Variants in ITSN1 observed in about 807,000 individuals in gnomAD.
The protein encoded by ITSN1 is intersectin 1, also known as intersectin-1.
A neutral mutation model predicts 239.8 loss-of-function variants in ITSN1; 58 were observed. The ratio of observed to expected loss-of-function variants is 0.24; its 90% CI spans 0.20 to 0.30. The LOEUF is 0.30. ITSN1 is among the 10% of genes least tolerant of loss of function. The probability of loss-of-function intolerance (pLI) is 1.00; values close to 1 mark genes in which losing one functional copy is unlikely to be tolerated. For missense variants in ITSN1, 1,558 were observed against 2,103.3 expected (o/e 0.74, Z 5.07); for synonymous variants, 780 against 770.8 (o/e 1.01, Z -0.20).
intron 20 of ITSN1, among the ~76,000 whole-genome samples, chr21:33,808,071 C>T (rs1044289337): frequency 2.6e-5 from 4 of 151,974 alleles, no homozygotes; most frequent in African/African-American, 9.7e-5. Context: ...CCTGTAGTCC[C>T]AGCTACTCGG....
intron 12 of ITSN1, 62 bp downstream of exon 12, chr21:33,772,385 C>G (rs1475808590): frequency 2.6e-6 from 4 of 1,523,388 alleles, no homozygotes; most frequent in Non-Finnish European, 3.5e-6. Context: ...TCAGAATTAT[C>G]CAAGTGATCT....
intron 7 of ITSN1, among the ~76,000 whole-genome samples, chr21:33,753,218 G>A (rs942632028): frequency 1.3e-5 from 2 of 152,102 alleles, no homozygotes; most frequent in African/African-American, 4.8e-5. Context: ...TAGGATACAG[G>A]TATTTATTTG....
intron 34 of ITSN1, among the ~76,000 whole-genome samples, chr21:33,880,735 G>C (rs1306344425): frequency 2.0e-5 from 3 of 152,162 alleles, no homozygotes; most frequent in Non-Finnish European, 4.4e-5. Flanking sequence ...AGGGCTCGTA[G>C]CTCAGGACAG....
At chr21:33,710,654 G>A (rs2092388187) in intron 1 of ITSN1, among the ~76,000 whole-genome samples, 1 of 151,152 alleles carries the variant, frequency 6.6e-6, no homozygotes, top group South Asian at 2.1e-4. Context: ...GTGAGGTTTT[G>A]GTATTATAGT....
At chr21:33,794,597 A>C in intron 17 of ITSN1, 129 bp downstream of exon 17, 1 of 1,245,542 alleles carries the variant, frequency 8.0e-7, no homozygotes, top group East Asian at 2.4e-5. Context: ...GTGAAGTGTG[A>C]GTGCAAACAC....
At chr21:33,820,248 T>C (rs1047099608) in intron 24 of ITSN1, among the ~76,000 whole-genome samples, 1 of 152,238 alleles carries the variant, frequency 6.6e-6, no homozygotes, top group African/African-American at 2.4e-5. Context: ...TGAATAAAAC[T>C]TAGGTAATTC....
intron 5 of ITSN1, among the ~76,000 whole-genome samples, chr21:33,743,839 A>G (rs765340838): frequency 7.2e-5 from 11 of 152,244 alleles, no homozygotes; most frequent in Non-Finnish European, 1.6e-4. Context: ...AAATGGAGTA[A>G]CATATTTAGA....
In ITSN1 at chr21:33,893,971, T is replaced by C. The variant is rs1249200814; in HGVS notation, c.*5671T>C. The C allele has an allele frequency of 6.6e-6, 1 of 152,150 alleles. No homozygotes were observed. Among genetic ancestry groups the C allele is most frequent in the Non-Finnish European group, 1.5e-5 (1 of 68,034 alleles). The allele number at this position is 152,150 out of a possible 1,614,324, so 9.4% of individuals were successfully genotyped here. A position where few individuals can be genotyped will look rare whatever the true frequency, so the allele number is the denominator to read the frequency against. The stretch of plus-strand genomic sequence containing the variant: ...CCAGACACCAAGACACACTAGACAG[T>C]CCATCTCTGGGTTGTGATCTCTCAG... On this transcript the variant is annotated 3_prime_UTR_variant, in exon 40 of 40. Coordinates refer to ENST00000381318, the MANE Select transcript of ITSN1 (RefSeq NM_003024.3).
rs1452225351 is a variant in ITSN1, at chr21:33,897,532, T to C, written c.*9232T>C. On this transcript the variant is annotated 3_prime_UTR_variant, in exon 40 of 40. Coordinates refer to ENST00000381318, the MANE Select transcript of ITSN1 (RefSeq NM_003024.3). ...AAGAAAAAGGCGAACTCCCACTATA[T>C]AAAGGGAAAAGGTTGTATTCATTTC... The C allele has an allele frequency of 6.6e-6, 1 of 152,222 alleles. No homozygotes were observed. Among genetic ancestry groups the C allele is most frequent in the Non-Finnish European group, 1.5e-5 (1 of 68,034 alleles). The allele number at this position is 152,222 out of a possible 1,614,324, so 9.4% of individuals were successfully genotyped here.
chr21:33,665,209 G>A (rs889110001), intron 1 of ITSN1, among the ~76,000 whole-genome samples: 1 of 152,120 alleles, frequency 6.6e-6, no homozygotes, highest in African/African-American at 2.4e-5. Flanking sequence ...GTTGCAGTGA[G>A]CCAAGGCCGC....
chr21:33,767,888 A>G lies in ITSN1; in HGVS notation c.1042+60A>G, dbSNP rs1006596967. 2.8e-5 allele frequency: 27 copies of G among 954,564 alleles called. No homozygotes were observed. The East Asian group carries it at 3.3e-4, about 12-fold the overall frequency. 59.1% of individuals were successfully genotyped at this position (954,564 alleles called of 1,614,324 possible). A position where few individuals can be genotyped will look rare whatever the true frequency, so the allele number is the denominator to read the frequency against. The stretch of plus-strand genomic sequence containing the variant: ...GATTAAACGAAATTAGAGATTTCCT[A>G]TCTCTAAGACAAAGATAGAGGTAAA... On this transcript the variant is annotated intron_variant, in intron 11 of 39. Coordinates refer to ENST00000381318, the MANE Select transcript of ITSN1 (RefSeq NM_003024.3).
chr21:33,899,401 A>C lies in ITSN1; in HGVS notation c.*11101A>C, dbSNP rs369672658. 19 of 152,282 alleles carry C rather than the reference A, an allele frequency of 1.2e-4. No homozygotes were observed. In the South Asian group the frequency reaches 3.9e-3, roughly 32 times the overall value. 9.4% of individuals were successfully genotyped at this position (152,282 alleles called of 1,614,324 possible). On this transcript the variant is annotated 3_prime_UTR_variant, in exon 40 of 40. Coordinates refer to ENST00000381318, the MANE Select transcript of ITSN1 (RefSeq NM_003024.3). ...CCGCCCCTTGATGGATGTGCTGTTGATTGTAATATACTTCTGTTGCCAAAT... is the reference window on the plus strand; with the variant it reads ...CCGCCCCTTGATGGATGTGCTGTTGCTTGTAATATACTTCTGTTGCCAAAT...
chr21:33,751,558 A>G (rs537915374), intron 6 of ITSN1, among the ~76,000 whole-genome samples: 1 of 152,342 alleles, frequency 6.6e-6, no homozygotes, highest in Non-Finnish European at 1.5e-5. Context: ...AAAATGTTTA[A>G]TGAAGAGTAA....
At chr21:33,757,469 C>T (rs1389585074) in intron 8 of ITSN1, among the ~76,000 whole-genome samples, 1 of 152,026 alleles carries the variant, frequency 6.6e-6, no homozygotes, top group Non-Finnish European at 1.5e-5. Flanking sequence ...ACTTTTGAGC[C>T]AGACCTTTGT....
At chr21:33,829,540 A>G in intron 26 of ITSN1, 84 bp from the exon 27 acceptor site, 2 of 1,456,380 alleles carry the variant, frequency 1.4e-6, no homozygotes, top group Non-Finnish European at 1.9e-6. Context: ...TTCATCTGTG[A>G]ACCTGGGAGG....
intron 36 of ITSN1, among the ~76,000 whole-genome samples, chr21:33,884,818 G>A (rs140498575): frequency 6.9e-4 from 105 of 152,272 alleles, no homozygotes; most frequent in African/African-American, 2.2e-3. Flanking sequence ...GGACATCATC[G>A]CAGGTCTTGA....
chr21:33,711,652 TTGTGTG>T (rs58696981), intron 1 of ITSN1, among the ~76,000 whole-genome samples: 2,303 of 134,710 alleles, frequency 0.017, 40 homozygotes, highest in African/African-American at 0.044. Context: ...TTTCTGTGTG[TTGTGTG>T]TGTGTGTGTG....
At position 33,745,329 on chromosome 21, in the gene ITSN1, A is replaced by T. The variant is rs1423307657; in HGVS notation, c.347-4814A>T. Among the ~76,000 whole-genome samples, 3 of 152,172 alleles carry T rather than the reference A, an allele frequency of 2.0e-5. No individual in the cohort carries two copies. In the East Asian group the frequency reaches 5.8e-4, roughly 29 times the overall value. On this transcript the variant is annotated intron_variant, in intron 5 of 39. Transcript: ENST00000381318. ...GCCTGGGTCTTTCAACAGAAAAGAA[A>T]ATGAAAAGGATGGAGAGGGGACTGT...
intron 1 of ITSN1, among the ~76,000 whole-genome samples, chr21:33,656,271 G>A (rs915946584): frequency 2.0e-5 from 3 of 152,182 alleles, no homozygotes; most frequent in Non-Finnish European, 2.9e-5. Flanking sequence ...AAGAGAAGTA[G>A]GATCTGTCAA....
Sources: gnomAD v4.1 joint callset for allele counts (sites outside exome capture counted in the v4.1 genomes callset) on GRCh38, gnomAD v4.1.1 for gene constraint, MANE v1.5 for transcripts, NCBI Gene and HGNC (gene_info 2026-07-23, HGNC 2026-07-21) for gene names.